CRYBG1: variants seen among roughly 807,000 people sequenced by gnomAD.
The protein encoded by CRYBG1 is beta/gamma crystallin domain-containing protein 1.
CRYBG1 carries 139 observed loss-of-function variants against 189.2 expected under a neutral mutation model. That is an observed-to-expected ratio of 0.73 (90% CI 0.64 to 0.85). The LOEUF (loss-of-function observed/expected upper bound fraction) is 0.85, where lower values mean the gene tolerates loss of function less well. Among genes scored for constraint, CRYBG1 ranks in the 40% least tolerant of loss-of-function variants. The pLI is 0.00. For missense variants in CRYBG1, 2,611 were observed against 2,675.8 expected (o/e 0.98, Z 0.53); for synonymous variants, 1,023 against 1,017.1 (o/e 1.01, Z -0.11).
intron 3 of CRYBG1, among the ~76,000 whole-genome samples, chr6:106,516,169 C>T (rs1393787742): frequency 6.6e-6 from 1 of 151,752 alleles, no homozygotes; most frequent in Admixed American, 6.6e-5. Context: ...ATATTTTATC[C>T]AGAAGGATAA....
chr6:106,502,804 G>A (rs889373010), intron 2 of CRYBG1, among the ~76,000 whole-genome samples: 1 of 149,076 alleles, frequency 6.7e-6, no homozygotes, highest in African/African-American at 2.4e-5. Flanking sequence ...GAGGTTTTAA[G>A]GAAGCCAAGA....
chr6:106,402,537 A>G (rs1343845465), intron 1 of CRYBG1, among the ~76,000 whole-genome samples: 2 of 131,336 alleles, frequency 1.5e-5, no homozygotes, highest in Non-Finnish European at 3.2e-5. Flanking sequence ...GAGAAAAACA[A>G]GCAATGGGGA....
chr6:106,450,216 C>CA (rs35161258), intron 1 of CRYBG1, among the ~76,000 whole-genome samples: 22,168 of 111,602 alleles, frequency 0.2, 2,206 homozygotes, highest in Middle Eastern at 0.37. Flanking sequence ...GACTCTGTCT[C>CA]AAAAAAAAAA....
Position 106,539,473 on chromosome 6 carries a change from T to C in CRYBG1, c.4789T>C (p.Leu1597=), listed in dbSNP as rs1774081085. The C allele has an allele frequency of 6.2e-7, 1 of 1,613,888 alleles. No homozygotes were observed. The highest frequency in any genetic ancestry group is 1.7e-5 in the Admixed American group (1 of 59,988). ...CCTGGAACCTGGTGAATACCCTGACTTGTCCTTCTGGGATACAGAAGAAGC... is the reference window on the plus strand; with the variant it reads ...CCTGGAACCTGGTGAATACCCTGACCTGTCCTTCTGGGATACAGAAGAAGC... ...FILEPGEYPD[L]SFWDTEEAYI... The change falls in exon 9 of 22, where the codon TTG becomes CTG. Residue 1597 remains leucine, a synonymous_variant. Coordinates refer to ENST00000633556, the MANE Select transcript of CRYBG1 (RefSeq NM_001371242.2).
At chr6:106,564,615 CT>C (rs1774823764) in intron 21 of CRYBG1, among the ~76,000 whole-genome samples, 1 of 14,788 alleles carries the variant, frequency 6.8e-5, no homozygotes, top group African/African-American at 9.2e-5. Context: ...GGGGTGGGGC[CT>C]GATAATTCCT....
chr6:106,399,956 G>A (rs1189956063), intron 1 of CRYBG1, among the ~76,000 whole-genome samples: 1 of 151,786 alleles, frequency 6.6e-6, no homozygotes, highest in Non-Finnish European at 1.5e-5. Context: ...GACCAACATG[G>A]TGAAACCCCG....
At chr6:106,519,069 G>A in intron 3 of CRYBG1, 62 bp from the exon 4 acceptor site, 2 of 1,506,290 alleles carry the variant, frequency 1.3e-6, no homozygotes, top group Non-Finnish European at 1.8e-6. Flanking sequence ...TAATTAATTG[G>A]TTTGTGTGTT....
At position 106,569,370 on chromosome 6, in the gene CRYBG1, A is replaced by T. The variant is rs1774990424; in HGVS notation, c.*804A>T. ...CAAGTAGCTGGGACTATAGGCACAC[A>T]TCACCAAGCCCAGCCAAATTTTGTT... On this transcript the variant is annotated 3_prime_UTR_variant, in exon 22 of 22. Transcript: ENST00000633556. The T allele has an allele frequency of 6.6e-6, 1 of 151,420 alleles. No individual in the cohort carries two copies. The highest frequency in any genetic ancestry group is 2.4e-5 in the African/African-American group (1 of 41,242). The allele number at this position is 151,420 out of a possible 1,614,324, so 9.4% of individuals were successfully genotyped here. A position where few individuals can be genotyped will look rare whatever the true frequency, so the allele number is the denominator to read the frequency against.
At chr6:106,524,051 A>C (rs1299578541) in intron 4 of CRYBG1, among the ~76,000 whole-genome samples, 2 of 152,166 alleles carry the variant, frequency 1.3e-5, no homozygotes, top group African/African-American at 4.8e-5. Flanking sequence ...TCTTCTGGGC[A>C]TATCACACTC....
At chr6:106,510,059 C>T (rs986336025) in intron 2 of CRYBG1, among the ~76,000 whole-genome samples, 13 of 152,176 alleles carry the variant, frequency 8.5e-5, no homozygotes, top group African/African-American at 3.1e-4. Context: ...ATTGGGGAAC[C>T]TCCCCGTAGT....
chr6:106,563,579 C>G (rs905305329), intron 20 of CRYBG1, among the ~76,000 whole-genome samples, 185 bp from the exon 21 acceptor site: 10 of 152,244 alleles, frequency 6.6e-5, no homozygotes, highest in African/African-American at 2.4e-4. Flanking sequence ...TTCGTGTCAT[C>G]TGAAATAAAT....
intron 1 of CRYBG1, among the ~76,000 whole-genome samples, chr6:106,427,500 A>G (rs1771247606): frequency 6.6e-6 from 1 of 152,088 alleles, no homozygotes; most frequent in Admixed American, 6.5e-5. Flanking sequence ...AAATATGTCT[A>G]GAATCTGACC....
intron 2 of CRYBG1, among the ~76,000 whole-genome samples, chr6:106,460,902 T>G (rs568881490): frequency 5.3e-5 from 8 of 152,306 alleles, no homozygotes; most frequent in African/African-American, 1.7e-4. Flanking sequence ...TTCTCTTGCT[T>G]CAGCCTCCAG....
intron 1 of CRYBG1, among the ~76,000 whole-genome samples, chr6:106,430,564 G>A (rs891094310): frequency 3.9e-5 from 6 of 152,182 alleles, no homozygotes; most frequent in Non-Finnish European, 4.4e-5. Context: ...ACTTTCTGAG[G>A]TGGGAACGTG....
intron 1 of CRYBG1, among the ~76,000 whole-genome samples, chr6:106,423,387 A>T (rs951450698): frequency 3.4e-4 from 39 of 114,602 alleles, no homozygotes; most frequent in Non-Finnish European, 6.7e-4. Flanking sequence ...TCACAGAATT[A>T]AAAAAAAAAA....
At chr6:106,497,573 G>A (rs142249887) in intron 2 of CRYBG1, among the ~76,000 whole-genome samples, 2 of 152,346 alleles carry the variant, frequency 1.3e-5, no homozygotes, top group African/African-American at 4.8e-5. Flanking sequence ...GTGCACACAT[G>A]TGTGCGTGTA....
chr6:106,522,929 A>T (rs942177488), intron 4 of CRYBG1, among the ~76,000 whole-genome samples: 1 of 152,130 alleles, frequency 6.6e-6, no homozygotes, highest in Admixed American at 6.5e-5. Flanking sequence ...AGGACCCTTT[A>T]TGTTTAAAAA....
intron 3 of CRYBG1, among the ~76,000 whole-genome samples, chr6:106,515,154 T>C (rs1356323489): frequency 1.3e-5 from 2 of 152,254 alleles, no homozygotes; most frequent in Non-Finnish European, 2.9e-5. Flanking sequence ...AAGTGCTGAA[T>C]GTTGAAATTC....
intron 1 of CRYBG1, among the ~76,000 whole-genome samples, chr6:106,373,072 GTACCCAT>G (rs887788247): frequency 4.6e-5 from 7 of 152,138 alleles, no homozygotes; most frequent in Non-Finnish European, 8.8e-5. Context: ...AGAAATGTAG[GTACCCAT>G]TTACTCTCAG....
Sources: allele counts gnomAD v4.1 joint callset (sites outside exome capture counted in the v4.1 genomes callset), GRCh38; gene constraint gnomAD v4.1.1; transcripts MANE v1.5; gene names NCBI Gene and HGNC (gene_info 2026-07-23, HGNC 2026-07-21).